The following POLRMT variants were observed in gnomAD, a reference collection of about 807,000 sequenced individuals.
The protein encoded by POLRMT is DNA-directed RNA polymerase, mitochondrial.
In POLRMT, 114 loss-of-function variants were observed where a neutral mutation model predicts 132.2. The ratio of observed to expected loss-of-function variants is 0.86; its 90% CI spans 0.74 to 1.01. The LOEUF is 1.01. POLRMT is among the 50% of genes least tolerant of loss of function. The probability of loss-of-function intolerance (pLI) is 0.00; values close to 1 mark genes in which losing one functional copy is unlikely to be tolerated. For synonymous variants in POLRMT, 1,020 were observed against 773.4 expected (o/e 1.32, Z -5.29); for missense variants, 2,003 against 1,729.1 (o/e 1.16, Z -2.81).
In POLRMT at chr19:621,433, CTTG is replaced by C. The variant is rs1984585400; in HGVS notation, c.2262_2264del (p.Lys755del). ...GCGCCAGCTCACGGCGCAGCTCGGCCTTGCGGGCGGGCGCGGCGCTGTGCGGCA... is the reference window on the plus strand; with the variant it reads ...GCGCCAGCTCACGGCGCAGCTCGGCCCGGGCGGGCGCGGCGCTGTGCGGCA... On this transcript the variant is annotated inframe_deletion, in exon 10 of 21. Coordinates refer to ENST00000588649, the MANE Select transcript of POLRMT (RefSeq NM_005035.4). 4.1e-6 allele frequency: 6 copies of C among 1,463,228 alleles called. No individual in the cohort carries two copies. Among genetic ancestry groups the C allele is most frequent in the Non-Finnish European group, 4.5e-6 (5 of 1,112,726 alleles). 90.6% of individuals were successfully genotyped at this position (1,463,228 alleles called of 1,614,324 possible). A position where few individuals can be genotyped will look rare whatever the true frequency, so the allele number is the denominator to read the frequency against.
At chr19:626,614 A>C (rs1985031355) in intron 3 of POLRMT, among the ~76,000 whole-genome samples, 1 of 120,024 alleles carries the variant, frequency 8.3e-6, no homozygotes, top group African/African-American at 3.3e-5. Flanking sequence ...GTGAAACCCC[A>C]TCTCCACTAA....
intron 4 of POLRMT, 48 bp downstream of exon 4, chr19:625,076 C>T (rs772908412): frequency 1.9e-6 from 3 of 1,587,128 alleles, no homozygotes; most frequent in Non-Finnish European, 2.6e-6. Flanking sequence ...ATCTTAAAAC[C>T]CTGGGAGGGA....
At chr19:633,169 G>C (rs1312589808) in intron 1 of POLRMT, 2 of 597,852 alleles carry the variant, frequency 3.3e-6, no homozygotes, top group East Asian at 6.6e-5. Flanking sequence ...AGGTGCAGCA[G>C]GTCAAAGGTT....
rs550982985 is a variant in POLRMT at position 618,504 on chromosome 19, C to T, written c.3406G>A (p.Ala1136Thr). ...GACGCCCACCTGTAGCAGTGCAGGG[C>T]GGTGAGCATCATGTGGGAGGAGTCC... Reference protein sequence around the residue: ...SLDSSHMMLTALHCYRKGLTF... With the variant: ...SLDSSHMMLTTLHCYRKGLTF... The change falls in exon 17 of 21, where the codon GCC becomes ACC. Residue 1136 changes from alanine to threonine, a missense_variant. Physicochemically the swap from Ala to Thr is moderately conservative, Grantham distance 58. Transcript: ENST00000588649. 8.7e-6 allele frequency: 14 copies of T among 1,611,444 alleles called. No homozygotes were observed. The highest frequency in any genetic ancestry group is 3.3e-5 in the Admixed American group (2 of 59,884).
In POLRMT at chr19:617,246, T is replaced by C. The variant is rs1490435440; in HGVS notation, c.*28A>G. On this transcript the variant is annotated 3_prime_UTR_variant, in exon 21 of 21. Coordinates refer to ENST00000588649, the MANE Select transcript of POLRMT (RefSeq NM_005035.4). ...TCCTGGGGGTGGCAAAAGAGCTTTA[T>C]TTACACACTGACAAGGCTCACGGGG... is the stretch of plus-strand genomic sequence containing the variant. 2 of 1,611,878 alleles carry C rather than the reference T, an allele frequency of 1.2e-6. No homozygotes were observed. Among genetic ancestry groups the C allele is most frequent in the Non-Finnish European group, 1.7e-6 (2 of 1,179,486 alleles).
At chr19:619,424 GC>G in intron 13 of POLRMT, 128 bp from the exon 14 acceptor site, 1 of 1,354,704 alleles carries the variant, frequency 7.4e-7, no homozygotes, top group Admixed American at 1.9e-5. Context: ...ATGGGGCCTG[GC>G]GCCCACGCAG....
At position 621,361 on chromosome 19, in the gene POLRMT, C is replaced by T. The variant is rs773245594; in HGVS notation, c.2337G>A (p.Ala779=). ...AREMHSLRAE[A]LYRLSLAQHL... is the part of the protein sequence containing the mutation. ...GCTGCGCCAGCGAGAGGCGGTACAGCGCCTCCGCCCGCAGGCTGTGCATCT... is the reference window on the plus strand; with the variant it reads ...GCTGCGCCAGCGAGAGGCGGTACAGTGCCTCCGCCCGCAGGCTGTGCATCT... The change falls in exon 10 of 21, where the codon GCG becomes GCA. Residue 779 remains alanine, a synonymous_variant. Transcript: ENST00000588649. 4.5e-6 allele frequency: 7 copies of T among 1,564,480 alleles called. No homozygotes were observed. In the Admixed American group the frequency reaches 9.1e-5, roughly 20 times the overall value.
At chr19:623,928 G>T (rs1331338193) in intron 5 of POLRMT, among the ~76,000 whole-genome samples, 3 of 152,180 alleles carry the variant, frequency 2.0e-5, no homozygotes, top group South Asian at 4.1e-4. Flanking sequence ...CTCAAACTCA[G>T]AACTGTATGA....
rs982682867 is a variant in POLRMT at position 623,976 on chromosome 19, A to T, written c.1141-373T>A. Among the ~76,000 whole-genome samples the T allele has an allele frequency of 6.6e-5, 10 of 152,224 alleles. 1 individual carries two copies. In the South Asian group the frequency reaches 2.1e-3, roughly 31 times the overall value. On this transcript the variant is annotated intron_variant, in intron 5 of 20. Coordinates refer to ENST00000588649, the MANE Select transcript of POLRMT (RefSeq NM_005035.4). ...CAGAAATAGATGAATTAAAAATAAC[A>T]ACTAAAGCCTAGCGCTTTGAGAATC...
intron 5 of POLRMT, among the ~76,000 whole-genome samples, 187 bp downstream of exon 5, chr19:624,532 C>A (rs1984878510): frequency 6.6e-6 from 1 of 152,184 alleles, no homozygotes; most frequent in South Asian, 2.1e-4. Context: ...TGAGCCCACA[C>A]CCTCAGGGCC....
At chr19:619,933 C>T (rs1984373209) in intron 12 of POLRMT, 25 bp downstream of exon 12, 1 of 1,600,068 alleles carries the variant, frequency 6.2e-7, no homozygotes, top group Admixed American at 1.7e-5. Flanking sequence ...GCCGAGATGC[C>T]CCCGGGCAGC....
chr19:628,881 G>C (rs1011940647), intron 3 of POLRMT, among the ~76,000 whole-genome samples: 2 of 152,136 alleles, frequency 1.3e-5, no homozygotes, highest in African/African-American at 4.8e-5. Context: ...GCGGGCACCT[G>C]TAACTCCAGC....
intron 17 of POLRMT, 94 bp downstream of exon 17, chr19:618,394 C>T (rs1167885842): frequency 4.1e-6 from 4 of 978,306 alleles, no homozygotes; most frequent in Admixed American, 2.5e-5. Context: ...CCAGTCCCTG[C>T]CCCCAGCTAG....
In POLRMT at chr19:633,058, C is replaced by T. The variant is rs2144721731; in HGVS notation, c.89-120G>A. 9 of 738,686 alleles carry T rather than the reference C, an allele frequency of 1.2e-5. No homozygotes were observed. The South Asian group carries it at 1.7e-4, about 14-fold the overall frequency. 45.8% of individuals were successfully genotyped at this position (738,686 alleles called of 1,614,324 possible). On this transcript the variant is annotated intron_variant, in intron 1 of 20. Coordinates refer to ENST00000588649, the MANE Select transcript of POLRMT (RefSeq NM_005035.4). ...CTAAACGCAGCGGAAACTCTCGGAG[C>T]ACGGGCTTAAGTTGGAAAGAAACTA...
intron 5 of POLRMT, 43 bp downstream of exon 5, chr19:624,676 C>G (rs1306184624): frequency 9.5e-6 from 15 of 1,580,012 alleles, no homozygotes; most frequent in Non-Finnish European, 1.2e-5. Flanking sequence ...CCCCAAAGGG[C>G]AGCTATAAGG....
chr19:617,577 A>T lies in POLRMT; in HGVS notation c.3574T>A (p.Cys1192Ser). Residue 1192 changes from cysteine to serine, a missense_variant, in exon 19 of 21, where the codon TGC becomes AGC. By Grantham distance (112) the Cys-to-Ser change is moderately radical. Coordinates refer to ENST00000588649, the MANE Select transcript of POLRMT (RefSeq NM_005035.4). ...DLSRFLVKRF[C>S]SEPQKILEAS... ...GGTCAGGGAGCGCCTTACTCAGAGC[A>T]GAACCGCTTGACCAGGAATCTGGAC... is the stretch of plus-strand genomic sequence containing the variant. 6.2e-7 allele frequency: 1 copy of T among 1,611,998 alleles called. No homozygotes were observed. The highest frequency in any genetic ancestry group is 8.5e-7 in the Non-Finnish European group (1 of 1,179,992).
Position 621,615 on chromosome 19 carries a change from C to G in POLRMT, c.2083G>C (p.Ala695Pro), listed in dbSNP as rs1471703426. The G allele has an allele frequency of 1.3e-6, 2 of 1,513,992 alleles. No individual in the cohort carries two copies. The highest frequency in any genetic ancestry group is 2.5e-5 in the South Asian group (2 of 80,242). The allele number at this position is 1,513,992 out of a possible 1,614,324, so 93.8% of individuals were successfully genotyped here. A position where few individuals can be genotyped will look rare whatever the true frequency, so the allele number is the denominator to read the frequency against. Residue 695 changes from alanine (A) to proline (P), a missense_variant, in exon 10 of 21, where the codon GCA becomes CCA. By Grantham distance (27) the Ala-to-Pro change is conservative (BLOSUM62 -1). Transcript: ENST00000588649. Reference sequence around the variant, plus strand: ...CCCAGTTGGGTGAGGGCGTCCAGTGCGCCATGCAGCGCGGTGGGCGGGCAG... The same window carrying G: ...CCCAGTTGGGTGAGGGCGTCCAGTGGGCCATGCAGCGCGGTGGGCGGGCAG... The part of the protein sequence containing the change: ...ETCPPTALHG[A>P]LDALTQLGNC...
chr19:619,797 AG>A (rs1984360193), intron 12 of POLRMT, 32 bp from the exon 13 acceptor site: 9 of 1,550,224 alleles, frequency 5.8e-6, no homozygotes, highest in Non-Finnish European at 7.8e-6. Flanking sequence ...GGCGCGGGTC[AG>A]CCCCGCTAGC....
At chr19:625,395 C>G in intron 3 of POLRMT, 141 bp from the exon 4 acceptor site, 1 of 1,104,062 alleles carries the variant, frequency 9.1e-7, no homozygotes, top group Non-Finnish European at 1.3e-6. Flanking sequence ...CTGGGCAGAC[C>G]GATGCATCCC....
Sources: gnomAD v4.1 joint callset for allele counts (sites outside exome capture counted in the v4.1 genomes callset) on GRCh38, gnomAD v4.1.1 for gene constraint, MANE v1.5 for transcripts, NCBI Gene and HGNC (gene_info 2026-07-23, HGNC 2026-07-21) for gene names.